MRPS18A: variants seen among roughly 807,000 people sequenced by gnomAD.
The protein encoded by MRPS18A is mitochondrial ribosomal protein S18A, also known as large ribosomal subunit protein mL66.
Under a neutral mutation model 22.7 loss-of-function variants are expected in MRPS18A, and 20 were observed. That is an observed-to-expected ratio of 0.88 (90% CI 0.62 to 1.28). The LOEUF (loss-of-function observed/expected upper bound fraction) is 1.28. Ranked by LOEUF, MRPS18A falls within the 50% of genes most tolerant of loss-of-function variation. MRPS18A has a pLI of 0.00. For missense variants in MRPS18A, 294 were observed against 262.6 expected (o/e 1.12, Z -0.83); for synonymous variants, 106 against 99.1 (o/e 1.07, Z -0.41).
intron 3 of MRPS18A, among the ~76,000 whole-genome samples, chr6:43,677,310 A>C (rs1254152161): frequency 6.6e-6 from 1 of 152,144 alleles, no homozygotes; most frequent in Non-Finnish European, 1.5e-5. Flanking sequence ...CCCAACCCTC[A>C]GGGTGGCCTC....
intron 1 of MRPS18A, among the ~76,000 whole-genome samples, chr6:43,687,254 G>A (rs1774758363): frequency 6.6e-6 from 1 of 152,210 alleles, no homozygotes; most frequent in African/African-American, 2.4e-5. Flanking sequence ...AGCATTTTGA[G>A]AAGGGAAAGT....
At position 43,673,829 on chromosome 6, in the gene MRPS18A, G is replaced by A. The variant is rs937973287; in HGVS notation, c.446+1373C>T. 1.3e-5 allele frequency among the ~76,000 whole-genome samples: 2 copies of A among 152,194 alleles called. No individual in the cohort carries two copies. The highest frequency in any genetic ancestry group is 2.1e-4 in the South Asian group (1 of 4,832). On this transcript the variant is annotated intron_variant, in intron 5 of 5. Coordinates refer to ENST00000372133, the MANE Select transcript of MRPS18A (RefSeq NM_018135.4). This position sits in a 1 kb window ranked among gnomAD's most constrained non-coding sequence, Gnocchi z 4.2. ...GCCTGAACTCCCCCTCCCGCTCAGCGTGGCCTTTTGCAACCGACTAGCCCC... is the reference window on the plus strand; with the variant it reads ...GCCTGAACTCCCCCTCCCGCTCAGCATGGCCTTTTGCAACCGACTAGCCCC...
chr6:43,681,251 A>G (rs2236346), intron 1 of MRPS18A, 131 bp from the exon 2 acceptor site: 138,281 of 931,422 alleles, frequency 0.15, 18,182 homozygotes, highest in African/African-American at 0.61. Flanking sequence ...GTCTCCACCT[A>G]GAACAGAAAG....
intron 1 of MRPS18A, among the ~76,000 whole-genome samples, chr6:43,683,267 C>T (rs909167086): frequency 6.6e-6 from 1 of 152,168 alleles, no homozygotes; most frequent in Admixed American, 6.5e-5. Context: ...TAGGCAGATG[C>T]TTATCTAACA....
At chr6:43,679,444 G>A (rs1774260783) in intron 2 of MRPS18A, among the ~76,000 whole-genome samples, 1 of 152,244 alleles carries the variant, frequency 6.6e-6, no homozygotes, top group Non-Finnish European at 1.5e-5. Flanking sequence ...CATGCTCCTT[G>A]CTTTTATCAT....
At chr6:43,684,423 C>T (rs533601216) in intron 1 of MRPS18A, among the ~76,000 whole-genome samples, 2 of 152,246 alleles carry the variant, frequency 1.3e-5, no homozygotes, top group African/African-American at 4.8e-5. Context: ...TTTCTGGCCA[C>T]TGACAACTTT....
chr6:43,685,452 T>C (rs757095789), intron 1 of MRPS18A, among the ~76,000 whole-genome samples: 52 of 152,158 alleles, frequency 3.4e-4, no homozygotes, highest in Middle Eastern at 3.2e-3. Context: ...TTTAGCAGCG[T>C]CCCTCGCCTC....
rs1326482125 is a variant in MRPS18A, at chr6:43,671,561, C to T, written c.*201G>A. On this transcript the variant is annotated 3_prime_UTR_variant, in exon 6 of 6. Transcript: ENST00000372133. ...GCTGGCAAGGGACCCAACTGCCCTG[C>T]CTGCCTCTAGCTCCCAGCATTGCTA... 8.0e-5 allele frequency: 50 copies of T among 628,166 alleles called. 1 individual carries two copies. In the Admixed American group the frequency reaches 1.3e-3, roughly 16 times the overall value. The allele number at this position is 628,166 out of a possible 1,614,324, so 38.9% of individuals were successfully genotyped here. A position where few individuals can be genotyped will look rare whatever the true frequency, so the allele number is the denominator to read the frequency against.
rs1337648898 is a variant in MRPS18A, at chr6:43,675,583, T to C, written c.287A>G (p.His96Arg). 6.2e-7 allele frequency: 1 copy of C among 1,613,582 alleles called. No individual in the cohort carries two copies. The highest frequency in any genetic ancestry group is 1.3e-5 in the African/African-American group (1 of 75,028). The part of the protein sequence containing the change: ...VLLLSQFIRP[H>R]GGMLPRKITG... Reference sequence around the variant, plus strand: ...GATCTTTCGGGGCAGCATGCCTCCATGAGGCCGGATGAACTGGCTAAGCAG... The same window carrying C: ...GATCTTTCGGGGCAGCATGCCTCCACGAGGCCGGATGAACTGGCTAAGCAG... Residue 96 changes from histidine (H) to arginine (R), a missense_variant, in exon 4 of 6, where the codon CAT becomes CGT. Coordinates refer to ENST00000372133, the MANE Select transcript of MRPS18A (RefSeq NM_018135.4).
At chr6:43,676,535 A>C (rs1774064053) in intron 3 of MRPS18A, among the ~76,000 whole-genome samples, 1 of 152,176 alleles carries the variant, frequency 6.6e-6, no homozygotes, top group Non-Finnish European at 1.5e-5. Flanking sequence ...GCTGCCTGGG[A>C]CAGGTCAAAG....
chr6:43,675,413 G>C, intron 4 of MRPS18A, 81 bp downstream of exon 4: 2 of 1,610,350 alleles, frequency 1.2e-6, no homozygotes, highest in Non-Finnish European at 1.7e-6. Flanking sequence ...TTTCTTCCAG[G>C]AGGGGCTGAA....
At position 43,673,933 on chromosome 6, in the gene MRPS18A, G is replaced by A. The variant is rs140904935; in HGVS notation, c.446+1269C>T. ...GCCTGGCCTAGCTTCAAAGGCCTGA[G>A]GCAGGATGGATTGTGTCCTCAGGCC... On this transcript the variant is annotated intron_variant, in intron 5 of 5. Transcript: ENST00000372133. The surrounding 1 kb of genome is among the most constrained non-coding windows in gnomAD (Gnocchi z 4.2). Among the ~76,000 whole-genome samples the A allele has an allele frequency of 5.4e-4, 82 of 152,324 alleles. 1 individual carries two copies. The East Asian group carries it at 0.016, about 29-fold the overall frequency.
At position 43,671,626 on chromosome 6, in the gene MRPS18A, CCT is replaced by C. The variant is rs1238262293; in HGVS notation, c.*134_*135del. The C allele has an allele frequency of 7.9e-6, 8 of 1,015,808 alleles. No homozygotes were observed. Among genetic ancestry groups the C allele is most frequent in the African/African-American group, 3.2e-5 (2 of 63,090 alleles). The allele number at this position is 1,015,808 out of a possible 1,614,324, so 62.9% of individuals were successfully genotyped here. A position where few individuals can be genotyped will look rare whatever the true frequency, so the allele number is the denominator to read the frequency against. ...GGTACTGAAGTTAGTCCCACTGTCCCCTGTCCATGCATGTTGGAGGGACCAGG... is the reference window on the plus strand; with the variant it reads ...GGTACTGAAGTTAGTCCCACTGTCCCGTCCATGCATGTTGGAGGGACCAGG... On this transcript the variant is annotated 3_prime_UTR_variant, in exon 6 of 6. Transcript: ENST00000372133.
intron 5 of MRPS18A, among the ~76,000 whole-genome samples, chr6:43,674,801 C>A (rs1228020274): frequency 6.6e-6 from 1 of 152,218 alleles, no homozygotes; most frequent in Non-Finnish European, 1.5e-5. Context: ...CAGTGTGCGA[C>A]CTGCACAGCT....
chr6:43,671,734 GGA>G lies in MRPS18A; in HGVS notation c.*26_*27del, dbSNP rs1293653228. 3.7e-6 allele frequency: 6 copies of G among 1,613,924 alleles called. No individual in the cohort carries two copies. The highest frequency in any genetic ancestry group is 5.1e-6 in the Non-Finnish European group (6 of 1,179,908). ...CCTCCTACTCCCCAGCACAGGTGCA[GGA>G]GGAACTCTGGAAGCACTGCTCTCTG... On this transcript the variant is annotated 3_prime_UTR_variant, in exon 6 of 6. Transcript: ENST00000372133.
intron 1 of MRPS18A, among the ~76,000 whole-genome samples, chr6:43,684,307 C>A (rs1163533170): frequency 6.6e-6 from 1 of 151,788 alleles, no homozygotes; most frequent in Non-Finnish European, 1.5e-5. Flanking sequence ...AAACCAGGGC[C>A]CAAGCAGAGT....
At chr6:43,672,083 C>A in intron 5 of MRPS18A, 177 bp from the exon 6 acceptor site, 1 of 757,506 alleles carries the variant, frequency 1.3e-6, no homozygotes. Context: ...GTCCTGTAAA[C>A]AGATGGGCTG....
intron 1 of MRPS18A, among the ~76,000 whole-genome samples, chr6:43,686,360 T>C (rs564054980): frequency 6.6e-6 from 1 of 152,374 alleles, no homozygotes; most frequent in East Asian, 1.9e-4. Flanking sequence ...CTCTATCATC[T>C]GCATGATTTC....
rs541400881 is a variant in MRPS18A, at chr6:43,673,530, C to T, written c.447-1624G>A. Among the ~76,000 whole-genome samples, 4 of 152,350 alleles carry T rather than the reference C, an allele frequency of 2.6e-5. No homozygotes were observed. Among genetic ancestry groups the T allele is most frequent in the African/African-American group, 9.6e-5 (4 of 41,588 alleles). Reference sequence around the variant, plus strand: ...CTTGGAGAGGGAAGCTGGGCTTTAGCTGGCCTTGGGCCTGATGCCTGCGCC... The same window carrying T: ...CTTGGAGAGGGAAGCTGGGCTTTAGTTGGCCTTGGGCCTGATGCCTGCGCC... On this transcript the variant is annotated intron_variant, in intron 5 of 5. Transcript: ENST00000372133. The surrounding 1 kb of genome is among the most constrained non-coding windows in gnomAD (Gnocchi z 4.2).
Sources: allele counts gnomAD v4.1 joint callset (sites outside exome capture counted in the v4.1 genomes callset), GRCh38; gene constraint gnomAD v4.1.1; non-coding constraint Gnocchi (gnomAD v3.1); transcripts MANE v1.5; gene names NCBI Gene and HGNC (gene_info 2026-07-23, HGNC 2026-07-21).